The following MTUS2 variants were observed in gnomAD, a reference collection of about 807,000 sequenced individuals.
MTUS2 encodes the protein microtubule-associated tumor suppressor candidate 2.
MTUS2 carries 40 observed loss-of-function variants against 114.1 expected under a neutral mutation model. The ratio of observed to expected loss-of-function variants is 0.35; its 90% CI spans 0.27 to 0.46. The LOEUF (loss-of-function observed/expected upper bound fraction) is 0.46, where lower values mean the gene tolerates loss of function less well. Among genes scored for constraint, MTUS2 ranks in the 20% least tolerant of loss-of-function variants. The pLI, the probability that MTUS2 is intolerant of heterozygous loss-of-function variation, is 1.00. For missense variants in MTUS2, 1,679 were observed against 1,705.4 expected, an observed-to-expected ratio of 0.98 and a Z score of 0.27; for synonymous variants, 688 against 672.0, an observed-to-expected ratio of 1.02 and a Z score of -0.37.
chr13:28,926,565 A>G (rs1256818654), intron 2 of MTUS2, among the ~76,000 whole-genome samples: 1 of 152,200 alleles, frequency 6.6e-6, no homozygotes, highest in Non-Finnish European at 1.5e-5. Flanking sequence ...TAATCACATA[A>G]ACTCAGTCAT....
chr13:29,069,542 A>G (rs1411019534), intron 4 of MTUS2, among the ~76,000 whole-genome samples: 17 of 152,346 alleles, frequency 1.1e-4, no homozygotes, highest in Admixed American at 9.2e-4. Flanking sequence ...CAGACACACC[A>G]GAAATAATGT....
intron 1 of MTUS2, among the ~76,000 whole-genome samples, chr13:28,834,424 A>G (rs1051496001): frequency 1.3e-5 from 2 of 152,280 alleles, no homozygotes; most frequent in South Asian, 2.1e-4. Context: ...AGATAATTCA[A>G]TTCAAGAAAG....
At chr13:29,324,931 G>A (rs1900418289) in intron 7 of MTUS2, among the ~76,000 whole-genome samples, 1 of 152,202 alleles carries the variant, frequency 6.6e-6, no homozygotes, top group African/African-American at 2.4e-5. Flanking sequence ...GTTTCAGTGG[G>A]AGAATCTTCT....
At chr13:29,368,043 A>G (rs9508417) in intron 8 of MTUS2, among the ~76,000 whole-genome samples, 98,099 of 150,718 alleles carry the variant, frequency 0.65, 32,116 homozygotes, top group East Asian at 0.75. Flanking sequence ...GGTTCACACC[A>G]TTCTCCTGCC....
At chr13:29,113,469 A>G (rs1328796316) in intron 5 of MTUS2, among the ~76,000 whole-genome samples, 2 of 152,216 alleles carry the variant, frequency 1.3e-5, no homozygotes, top group Admixed American at 6.5e-5. Flanking sequence ...GCTGTGCCCA[A>G]TCGAAATTTC....
At chr13:29,390,352 A>G (rs1176375237) in intron 8 of MTUS2, among the ~76,000 whole-genome samples, 1 of 151,932 alleles carries the variant, frequency 6.6e-6, no homozygotes, top group Admixed American at 6.6e-5. Flanking sequence ...ATTCATTTCC[A>G]TTAAGTTTGA....
chr13:29,350,753 G>C (rs547386570), intron 7 of MTUS2, among the ~76,000 whole-genome samples: 1 of 151,932 alleles, frequency 6.6e-6, no homozygotes, highest in Non-Finnish European at 1.5e-5. Context: ...GGCTGATTTG[G>C]ATTCTGGTGA....
At chr13:29,271,432 A>G (rs1224745050) in intron 5 of MTUS2, among the ~76,000 whole-genome samples, 3 of 152,186 alleles carry the variant, frequency 2.0e-5, no homozygotes, top group Admixed American at 6.5e-5. Flanking sequence ...TACTCATGCC[A>G]TCCCTTCTCC....
intron 5 of MTUS2, among the ~76,000 whole-genome samples, chr13:29,223,140 G>C (rs1268713097): frequency 6.6e-6 from 1 of 152,184 alleles, no homozygotes; most frequent in African/African-American, 2.4e-5. Context: ...CCTCATGTCA[G>C]GGATAGCCCA....
intron 9 of MTUS2, among the ~76,000 whole-genome samples, chr13:29,479,783 G>A (rs1881012075): frequency 6.6e-6 from 1 of 152,190 alleles, no homozygotes; most frequent in African/African-American, 2.4e-5. Context: ...GTATTTCAGA[G>A]TCTACATTTT....
At chr13:29,272,363 C>A (rs1417404037) in intron 5 of MTUS2, among the ~76,000 whole-genome samples, 1 of 152,102 alleles carries the variant, frequency 6.6e-6, no homozygotes, top group Non-Finnish European at 1.5e-5. Flanking sequence ...CCAAAGTCAG[C>A]GAAACTCATT....
At chr13:29,358,259 C>T (rs1869918758) in intron 7 of MTUS2, among the ~76,000 whole-genome samples, 2 of 152,160 alleles carry the variant, frequency 1.3e-5, no homozygotes, top group South Asian at 4.1e-4. Context: ...AGACGCCTGC[C>T]CATGCACGGG....
intron 5 of MTUS2, among the ~76,000 whole-genome samples, chr13:29,131,384 A>C (rs1217340553): frequency 3.3e-5 from 5 of 152,254 alleles, no homozygotes; most frequent in Non-Finnish European, 7.3e-5. Context: ...TGAGACAGCT[A>C]ACTTAGAGAT....
chr13:29,343,095 G>A (rs762011847), intron 7 of MTUS2, among the ~76,000 whole-genome samples: 25 of 151,948 alleles, frequency 1.6e-4, no homozygotes, highest in African/African-American at 3.6e-4. Context: ...ATCTGTGTTC[G>A]TCAGGGAAAT....
At chr13:29,040,346 A>G (rs1001616205) in intron 4 of MTUS2, among the ~76,000 whole-genome samples, 1 of 152,050 alleles carries the variant, frequency 6.6e-6, no homozygotes, top group Non-Finnish European at 1.5e-5. Flanking sequence ...TTTGTACCAC[A>G]TTGTCTTTAT....
chr13:29,134,097 T>G lies in MTUS2; in HGVS notation c.2644+33127T>G, dbSNP rs189234728. 8.5e-5 allele frequency among the ~76,000 whole-genome samples: 13 copies of G among 152,330 alleles called. No individual in the cohort carries two copies. The South Asian group carries it at 1.0e-3, about 12-fold the overall frequency. ...TGTTATGTTGTATTTTTATTTTTTT[T>G]GTCTCTATTTATTTTCTAATTTCCC... On this transcript the variant is annotated intron_variant, in intron 5 of 15. Coordinates refer to ENST00000612955, the MANE Select transcript of MTUS2 (RefSeq NM_001033602.4).
intron 5 of MTUS2, among the ~76,000 whole-genome samples, chr13:29,263,066 A>G (rs1897537391): frequency 1.3e-5 from 2 of 152,180 alleles, no homozygotes. Context: ...GTTTTCTTAG[A>G]AGAATGTTAT....
chr13:29,264,959 C>T (rs1897613570), intron 5 of MTUS2, among the ~76,000 whole-genome samples: 1 of 152,210 alleles, frequency 6.6e-6, no homozygotes, highest in African/African-American at 2.4e-5. Context: ...CAAGTGGTTG[C>T]TCCATAGTCT....
At chr13:28,864,840 A>T (rs971956655) in intron 2 of MTUS2, among the ~76,000 whole-genome samples, 1 of 152,172 alleles carries the variant, frequency 6.6e-6, no homozygotes, top group Admixed American at 6.5e-5. Flanking sequence ...CAAGTCTGTG[A>T]TCACTAGCTT....
Sources: allele counts gnomAD v4.1 joint callset (sites outside exome capture counted in the v4.1 genomes callset), GRCh38; gene constraint gnomAD v4.1.1; transcripts MANE v1.5; gene names NCBI Gene and HGNC (gene_info 2026-07-23, HGNC 2026-07-21).